Variants in PIP5K1B observed in about 807,000 individuals in gnomAD.
The protein encoded by PIP5K1B is phosphatidylinositol-4-phosphate 5-kinase type 1 beta.
In PIP5K1B, 42 loss-of-function variants were observed where a neutral mutation model predicts 67.0. The ratio of observed to expected loss-of-function variants is 0.63; its 90% CI spans 0.49 to 0.81. The LOEUF is 0.81. Ranked by LOEUF, PIP5K1B falls within the 30% of genes least tolerant of loss-of-function variation. The pLI is 0.00. For synonymous variants in PIP5K1B, 214 were observed against 231.4 expected, an observed-to-expected ratio of 0.92 and a Z score of 0.68; for missense variants, 459 against 646.3, an observed-to-expected ratio of 0.71 and a Z score of 3.14.
chr9:68,948,140 T>G (rs1455654518), intron 14 of PIP5K1B, among the ~76,000 whole-genome samples: 2 of 152,236 alleles, frequency 1.3e-5, no homozygotes, highest in Non-Finnish European at 2.9e-5. Context: ...AAGGATTTAG[T>G]CACCTTTTCC....
chr9:68,913,537 A>C (rs1408427239), intron 8 of PIP5K1B, among the ~76,000 whole-genome samples: 1 of 152,228 alleles, frequency 6.6e-6, no homozygotes, highest in Non-Finnish European at 1.5e-5. Flanking sequence ...ACGTGACTAA[A>C]ATCTGTTCCC....
intron 14 of PIP5K1B, among the ~76,000 whole-genome samples, chr9:68,990,229 C>T (rs901802690): frequency 5.3e-5 from 8 of 152,098 alleles, no homozygotes; most frequent in African/African-American, 1.9e-4. Flanking sequence ...GAACCAGCAG[C>T]GTTAGCATCA....
At position 68,992,771 on chromosome 9, in the gene PIP5K1B, C is replaced by T. The variant is rs187546139; in HGVS notation, c.1620+1514C>T. 2.3e-3 allele frequency among the ~76,000 whole-genome samples: 308 copies of T among 132,910 alleles called. 1 individual carries two copies. Among genetic ancestry groups the T allele is most frequent in the African/African-American group, 8.2e-3 (283 of 34,488 alleles). The allele number at this position is 132,910 out of a possible 152,430, so 87.2% of individuals were successfully genotyped here. On this transcript the variant is annotated intron_variant, in intron 15 of 15. Coordinates refer to ENST00000265382, the MANE Select transcript of PIP5K1B (RefSeq NM_003558.4). The stretch of plus-strand genomic sequence containing the variant: ...AGGAGAATCACTTGCACCTGGGAGG[C>T]GGAGGTTGCAATGAGCCGAGATCAT...
At chr9:68,945,199 G>A (rs1827744046) in intron 14 of PIP5K1B, among the ~76,000 whole-genome samples, 1 of 152,010 alleles carries the variant, frequency 6.6e-6, no homozygotes, top group Non-Finnish European at 1.5e-5. Context: ...AGGCTGGAGT[G>A]CAGTGGTGCC....
intron 2 of PIP5K1B, among the ~76,000 whole-genome samples, chr9:68,755,928 G>A (rs1243260115): frequency 6.6e-6 from 1 of 152,174 alleles, no homozygotes; most frequent in Non-Finnish European, 1.5e-5. Flanking sequence ...GGAAGCTTAA[G>A]GTCACCTGAA....
chr9:68,794,993 T>G (rs1357458664), intron 2 of PIP5K1B, among the ~76,000 whole-genome samples: 2 of 152,222 alleles, frequency 1.3e-5, no homozygotes, highest in African/African-American at 4.8e-5. Flanking sequence ...CTGGAACTGC[T>G]TATCTCTCCT....
intron 15 of PIP5K1B, among the ~76,000 whole-genome samples, chr9:68,995,805 C>CA (rs35764883): frequency 0.44 from 44,227 of 99,930 alleles, 7,948 homozygotes; most frequent in Middle Eastern, 0.54. Context: ...AACTCCGTCT[C>CA]AAAAAAAAAA....
intron 2 of PIP5K1B, among the ~76,000 whole-genome samples, chr9:68,805,310 G>A (rs1470580269): frequency 6.6e-6 from 1 of 152,196 alleles, no homozygotes; most frequent in Non-Finnish European, 1.5e-5. Flanking sequence ...ACTTTGCAAG[G>A]CCTCGAATAC....
intron 2 of PIP5K1B, among the ~76,000 whole-genome samples, chr9:68,759,669 A>G (rs1830099945): frequency 6.6e-6 from 1 of 152,236 alleles, no homozygotes; most frequent in Middle Eastern, 3.4e-3. Context: ...AAATACAATC[A>G]ATATTTTCAA....
intron 4 of PIP5K1B, among the ~76,000 whole-genome samples, chr9:68,847,435 G>GTGTGTT (rs1822252683): frequency 6.7e-6 from 1 of 148,324 alleles, no homozygotes; most frequent in African/African-American, 2.5e-5. Context: ...GTGTGTGTGT[G>GTGTGTT]TGTGTGTGTG....
intron 15 of PIP5K1B, among the ~76,000 whole-genome samples, chr9:69,005,473 C>T (rs1343896460): frequency 3.9e-5 from 6 of 152,110 alleles, no homozygotes; most frequent in African/African-American, 7.2e-5. Context: ...CCACAACCTC[C>T]GCCTCCCAGG....
chr9:68,906,414 G>A (rs757793122), intron 8 of PIP5K1B, among the ~76,000 whole-genome samples: 6 of 152,202 alleles, frequency 3.9e-5, no homozygotes, highest in Admixed American at 1.3e-4. Context: ...GAAAATGTCC[G>A]TGGGGGGAAT....
At chr9:68,867,436 T>C (rs1454045588) in intron 5 of PIP5K1B, among the ~76,000 whole-genome samples, 1 of 152,238 alleles carries the variant, frequency 6.6e-6, no homozygotes, top group Non-Finnish European at 1.5e-5. Flanking sequence ...AGTGTCTTCG[T>C]GGATTTAGCA....
At chr9:68,790,895 T>C (rs1831929109) in intron 2 of PIP5K1B, among the ~76,000 whole-genome samples, 1 of 152,242 alleles carries the variant, frequency 6.6e-6, no homozygotes, top group Admixed American at 6.5e-5. Flanking sequence ...TCTTTGTGCC[T>C]GATTTCTGTT....
chr9:68,940,488 T>G (rs1827502015), intron 13 of PIP5K1B, among the ~76,000 whole-genome samples, 158 bp from the exon 14 acceptor site: 1 of 152,248 alleles, frequency 6.6e-6, no homozygotes, highest in South Asian at 2.1e-4. Context: ...ATTTTACATT[T>G]CTGCTGTAAT....
intron 14 of PIP5K1B, among the ~76,000 whole-genome samples, chr9:68,953,464 T>C (rs918606008): frequency 6.6e-6 from 1 of 152,194 alleles, no homozygotes; most frequent in Non-Finnish European, 1.5e-5. Flanking sequence ...GAGGTTTTCC[T>C]CAGATTTTTG....
intron 1 of PIP5K1B, among the ~76,000 whole-genome samples, chr9:68,723,704 T>G (rs1355863780): frequency 2.7e-5 from 4 of 148,408 alleles, no homozygotes; most frequent in East Asian, 1.9e-4. Context: ...GGTTTTTTTT[T>G]TTTTTTTTTT....
chr9:68,811,473 C>A (rs1376034606), intron 2 of PIP5K1B, among the ~76,000 whole-genome samples: 3 of 152,086 alleles, frequency 2.0e-5, no homozygotes, highest in Non-Finnish European at 2.9e-5. Context: ...CCAGGATGTT[C>A]TCCCCCAACC....
chr9:68,935,526 A>G (rs1012456329), intron 13 of PIP5K1B, among the ~76,000 whole-genome samples: 3 of 152,208 alleles, frequency 2.0e-5, no homozygotes, highest in Non-Finnish European at 4.4e-5. Flanking sequence ...GCACATTTTA[A>G]CTACCACATA....
Sources: gnomAD v4.1 joint callset for allele counts (sites outside exome capture counted in the v4.1 genomes callset) on GRCh38, gnomAD v4.1.1 for gene constraint, MANE v1.5 for transcripts, NCBI Gene and HGNC (gene_info 2026-07-23, HGNC 2026-07-21) for gene names.